CTIF: variants seen among roughly 807,000 people sequenced by gnomAD.
CTIF encodes CBP80/20-dependent translation initiation factor.
Under a neutral mutation model 66.0 loss-of-function variants are expected in CTIF, and 21 were observed. That is an observed-to-expected ratio of 0.32 (90% CI 0.23 to 0.46). The LOEUF is 0.46. Ranked by LOEUF, CTIF falls within the 20% of genes least tolerant of loss-of-function variation. CTIF has a pLI of 1.00. For synonymous variants in CTIF, 345 were observed against 326.4 expected, an observed-to-expected ratio of 1.06 and a Z score of -0.62; for missense variants, 739 against 812.7, an observed-to-expected ratio of 0.91 and a Z score of 1.10.
At chr18:48,604,358 T>G (rs1410696286) in intron 1 of CTIF, among the ~76,000 whole-genome samples, 1 of 151,208 alleles carries the variant, frequency 6.6e-6, no homozygotes, top group Non-Finnish European at 1.5e-5. Context: ...TTGTATATTT[T>G]TAGTAGAGAC....
At position 48,823,214 on chromosome 18, in the gene CTIF, G is replaced by C. The variant is rs115128116; in HGVS notation, c.1527+5838G>C. 6.7e-3 allele frequency among the ~76,000 whole-genome samples: 1,020 copies of C among 151,112 alleles called. 9 individuals carry two copies. Among genetic ancestry groups the C allele is most frequent in the African/African-American group, 0.023 (931 of 41,160 alleles). On this transcript the variant is annotated intron_variant, in intron 10 of 11. Transcript: ENST00000256413. ...TGCTTTTGTTGCCTGTGCTTTTGGA[G>C]TCATATCCAAAAAAAAAAAAGTGTC...
At chr18:48,836,848 C>A (rs560051566) in intron 10 of CTIF, among the ~76,000 whole-genome samples, 1 of 152,216 alleles carries the variant, frequency 6.6e-6, no homozygotes, top group African/African-American at 2.4e-5. Flanking sequence ...GTGAGTGTGT[C>A]CCCTGCTTAG....
chr18:48,676,233 T>A (rs1341302772), intron 6 of CTIF, among the ~76,000 whole-genome samples: 1 of 152,178 alleles, frequency 6.6e-6, no homozygotes, highest in Non-Finnish European at 1.5e-5. Flanking sequence ...CCTCCTTATA[T>A]CACACAGTGG....
intron 1 of CTIF, among the ~76,000 whole-genome samples, chr18:48,570,697 G>A (rs2089397325): frequency 6.6e-6 from 1 of 152,184 alleles, no homozygotes; most frequent in African/African-American, 2.4e-5. Flanking sequence ...GTGGCCAAGA[G>A]GTGGGAGAGG....
intron 10 of CTIF, among the ~76,000 whole-genome samples, chr18:48,853,016 G>A (rs542523981): frequency 3.9e-5 from 6 of 152,282 alleles, no homozygotes; most frequent in African/African-American, 1.2e-4. Context: ...TCAAAGGTAC[G>A]TGCATCAGAG....
chr18:48,774,760 C>T (rs886814734), intron 9 of CTIF, among the ~76,000 whole-genome samples: 10 of 152,194 alleles, frequency 6.6e-5, no homozygotes, highest in Non-Finnish European at 1.2e-4. Context: ...GCCCCTGCCT[C>T]CCAGTTTTCC....
chr18:48,620,919 A>C (rs978976236), intron 2 of CTIF, among the ~76,000 whole-genome samples: 1 of 152,202 alleles, frequency 6.6e-6, no homozygotes, highest in African/African-American at 2.4e-5. Flanking sequence ...CTGAAGCCAC[A>C]GTAATCCCAT....
At chr18:48,659,246 G>A (rs2091299356) in intron 3 of CTIF, among the ~76,000 whole-genome samples, 1 of 152,136 alleles carries the variant, frequency 6.6e-6, no homozygotes, top group South Asian at 2.1e-4. Context: ...TGTCCAAGGT[G>A]TTGCCCTATA....
intron 3 of CTIF, among the ~76,000 whole-genome samples, chr18:48,658,969 T>G (rs1735226166): frequency 1.3e-5 from 2 of 152,130 alleles, no homozygotes; most frequent in Admixed American, 1.3e-4. Flanking sequence ...CCCTGGGCAC[T>G]GCCTGGGCCA....
intron 1 of CTIF, among the ~76,000 whole-genome samples, chr18:48,540,994 C>T (rs1021694173): frequency 1.4e-4 from 21 of 152,130 alleles, no homozygotes; most frequent in African/African-American, 5.1e-4. Context: ...GCGTCCGCGA[C>T]GCCCCGTGAC....
rs2069477335 is a variant in CTIF at position 48,861,873 on chromosome 18, T to C, written c.*2314T>C. The C allele has an allele frequency of 6.6e-6, 1 of 152,140 alleles. No homozygotes were observed. Among genetic ancestry groups the C allele is most frequent in the African/African-American group, 2.4e-5 (1 of 41,438 alleles). The allele number at this position is 152,140 out of a possible 1,614,324, so 9.4% of individuals were successfully genotyped here. A position where few individuals can be genotyped will look rare whatever the true frequency, so the allele number is the denominator to read the frequency against. Reference sequence around the variant, plus strand: ...GAAGTGAAATATAAATATGTATACATATATAAATATATTTTTAATTACATG... The same window carrying C: ...GAAGTGAAATATAAATATGTATACACATATAAATATATTTTTAATTACATG... On this transcript the variant is annotated 3_prime_UTR_variant, in exon 12 of 12. Coordinates refer to ENST00000256413, the MANE Select transcript of CTIF (RefSeq NM_014772.3).
At chr18:48,712,509 A>G (rs545387500) in intron 7 of CTIF, among the ~76,000 whole-genome samples, 1 of 152,264 alleles carries the variant, frequency 6.6e-6, no homozygotes, top group Non-Finnish European at 1.5e-5. Flanking sequence ...TTGCTTGAAC[A>G]TGCATAAATT....
chr18:48,853,013 T>C (rs934719747), intron 10 of CTIF, among the ~76,000 whole-genome samples: 1 of 152,128 alleles, frequency 6.6e-6, no homozygotes, highest in African/African-American at 2.4e-5. Context: ...TTTTCAAAGG[T>C]ACGTGCATCA....
chr18:48,588,762 G>A (rs533844320), intron 1 of CTIF, among the ~76,000 whole-genome samples: 210 of 152,248 alleles, frequency 1.4e-3, no homozygotes, highest in Middle Eastern at 6.8e-3. Context: ...GTCCTGTGGC[G>A]GGCTCCCTGC....
Position 48,859,587 on chromosome 18 carries a change from C to A in CTIF, c.*28C>A, listed in dbSNP as rs752207285. The A allele has an allele frequency of 6.2e-7, 1 of 1,606,246 alleles. No homozygotes were observed. The highest frequency in any genetic ancestry group is 2.2e-5 in the East Asian group (1 of 44,844). On this transcript the variant is annotated 3_prime_UTR_variant, in exon 12 of 12. Transcript: ENST00000256413. ...GCCAGGGGGCCTGGCAGGCGGCCCA[C>A]GGGCAGCTGGGGCCCTGGTGCACAG...
rs763897308 is a variant in CTIF at position 48,859,484 on chromosome 18, C to T, written c.1722C>T (p.His574=). The change falls in exon 12 of 12, where the codon CAC becomes CAT. Residue 574 remains histidine, a synonymous_variant. Transcript: ENST00000256413. The part of the protein sequence containing the change: ...RSLLLEVIEL[H]ANSWNPLTPP... ...TGCTCCTAGAGGTCATCGAGCTCCA[C>T]GCTAACAGCTGGAACCCTCTGACGC... 73 of 1,614,076 alleles carry T rather than the reference C, an allele frequency of 4.5e-5. 1 individual carries two copies. Among genetic ancestry groups the T allele is most frequent in the Non-Finnish European group, 5.2e-5 (61 of 1,180,046 alleles).
At chr18:48,653,576 A>T (rs1372022856) in intron 3 of CTIF, among the ~76,000 whole-genome samples, 1 of 152,240 alleles carries the variant, frequency 6.6e-6, no homozygotes, top group Admixed American at 6.5e-5. Context: ...ATTCAATGCC[A>T]TCCCCATCAA....
intron 1 of CTIF, among the ~76,000 whole-genome samples, chr18:48,555,790 G>A (rs2089005785): frequency 6.6e-6 from 1 of 152,222 alleles, no homozygotes; most frequent in Non-Finnish European, 1.5e-5. Flanking sequence ...CATTCTTGTG[G>A]TGTCTGCCCC....
chr18:48,733,635 C>T (rs2092474497), intron 7 of CTIF, among the ~76,000 whole-genome samples: 1 of 152,222 alleles, frequency 6.6e-6, no homozygotes, highest in Non-Finnish European at 1.5e-5. Context: ...TGAGCTGGCA[C>T]ATCCACCACA....
Sources: allele counts gnomAD v4.1 joint callset (sites outside exome capture counted in the v4.1 genomes callset), GRCh38; gene constraint gnomAD v4.1.1; transcripts MANE v1.5; gene names NCBI Gene and HGNC (gene_info 2026-07-23, HGNC 2026-07-21).